The following DCDC1 variants were observed in gnomAD, a reference collection of about 807,000 sequenced individuals.
DCDC1 encodes the protein doublecortin domain-containing protein 1.
In DCDC1, 200 loss-of-function variants were observed where a neutral mutation model predicts 178.3. The observed-to-expected ratio is 1.12, with a 90% CI of 1.00 to 1.26. The LOEUF (loss-of-function observed/expected upper bound fraction) is 1.26. Ranked by LOEUF, DCDC1 falls within the 50% of genes most tolerant of loss-of-function variation. The probability of loss-of-function intolerance (pLI) is 0.00; values close to 1 mark genes in which losing one functional copy is unlikely to be tolerated. For missense variants in DCDC1, 1,983 were observed against 1,749.2 expected, an observed-to-expected ratio of 1.13 and a Z score of -2.38; for synonymous variants, 690 against 604.8, an observed-to-expected ratio of 1.14 and a Z score of -2.07.
At chr11:31,288,085 A>G (rs1027157567) in intron 7 of DCDC1, among the ~76,000 whole-genome samples, 2 of 151,994 alleles carry the variant, frequency 1.3e-5, no homozygotes, top group Non-Finnish European at 2.9e-5. Flanking sequence ...GCTATCTTGA[A>G]TAATAAAATA....
Position 31,307,775 on chromosome 11 carries a change from G to A in DCDC1, c.298C>T (p.His100Tyr), listed in dbSNP as rs962740879. 2.5e-6 allele frequency: 4 copies of A among 1,614,106 alleles called. No homozygotes were observed. Among genetic ancestry groups the A allele is most frequent in the Middle Eastern group, 3.3e-4 (2 of 6,062 alleles). Residue 100 changes from histidine (H) to tyrosine (Y), a missense_variant, in exon 4 of 39, where the codon CAT (histidine) becomes TAT (tyrosine). His to Tyr is a moderately conservative substitution (Grantham distance 83). Transcript: ENST00000684477. Reference protein sequence around the residue: ...EGSGLQDCSTHQTASDHSHDE... With the variant: ...EGSGLQDCSTYQTASDHSHDE... ...TGGCTGTGATCTGATGCTGTTTGATGTGTGGAGCAATCTTGAAGTCCTGAC... is the reference window on the plus strand; with the variant it reads ...TGGCTGTGATCTGATGCTGTTTGATATGTGGAGCAATCTTGAAGTCCTGAC...
Position 30,865,044 on chromosome 11 carries a change from G to A in DCDC1, c.*329C>T, listed in dbSNP as rs1032717467. Reference sequence around the variant, plus strand: ...TCCCACTGTGCAAATGGAGTCACACGCTCACTCAATTCTGAGAGGCCTGGC... The same window carrying A: ...TCCCACTGTGCAAATGGAGTCACACACTCACTCAATTCTGAGAGGCCTGGC... On this transcript the variant is annotated 3_prime_UTR_variant, in exon 39 of 39. Coordinates refer to ENST00000684477, the MANE Select transcript of DCDC1 (RefSeq NM_001387274.1). 1.4e-4 allele frequency: 21 copies of A among 152,026 alleles called. No homozygotes were observed. Among genetic ancestry groups the A allele is most frequent in the African/African-American group, 3.6e-4 (15 of 41,410 alleles). 9.4% of individuals were successfully genotyped at this position (152,026 alleles called of 1,614,324 possible).
At chr11:31,253,239 CTA>C (rs1237282839) in intron 8 of DCDC1, among the ~76,000 whole-genome samples, 11 of 152,036 alleles carry the variant, frequency 7.2e-5, no homozygotes, top group Non-Finnish European at 1.2e-4. Context: ...TCATCTCTCA[CTA>C]TGTTTTAGGC....
chr11:30,903,662 G>A lies in DCDC1; in HGVS notation c.4330C>T (p.Gln1444Ter), dbSNP rs1159494776. The A allele has an allele frequency of 1.2e-6, 2 of 1,605,998 alleles. No individual in the cohort carries two copies. The highest frequency in any genetic ancestry group is 2.3e-5 in the South Asian group (2 of 88,866). ...FPMLLTECTEQLGLARAASKV... is the reference protein window; with the variant it reads ...FPMLLTECTE ...GAGGCTGCTCTGGCAAGCCCAAGTT[G>A]TTCCGTGCATTCTGTAAGAAGCTAG... is the stretch of plus-strand genomic sequence containing the variant. The change falls in exon 32 of 39, where the codon CAA (glutamine) becomes TAA (stop). Residue 1444 changes from glutamine (Q) to a stop codon, truncating the protein, a stop_gained. Coordinates refer to ENST00000684477, the MANE Select transcript of DCDC1 (RefSeq NM_001387274.1). LOFTEE classifies it high-confidence loss of function.
At chr11:31,137,147 A>T (rs1471921611) in intron 10 of DCDC1, among the ~76,000 whole-genome samples, 1 of 152,116 alleles carries the variant, frequency 6.6e-6, no homozygotes, top group Non-Finnish European at 1.5e-5. Context: ...CTTATGAGAA[A>T]ATATTCATGA....
intron 20 of DCDC1, among the ~76,000 whole-genome samples, chr11:31,036,817 T>A (rs1010192012): frequency 6.6e-6 from 1 of 152,222 alleles, no homozygotes; most frequent in African/African-American, 2.4e-5. Flanking sequence ...GGATTTACTT[T>A]TTTTTCTTTT....
intron 1 of DCDC1, among the ~76,000 whole-genome samples, chr11:31,351,473 C>T (rs1354364628): frequency 6.6e-6 from 1 of 152,022 alleles, no homozygotes; most frequent in South Asian, 2.1e-4. Flanking sequence ...TGCTTTAGCT[C>T]CCCTTTTAGC....
intron 20 of DCDC1, among the ~76,000 whole-genome samples, chr11:31,022,640 AGTTTGTGTGT>A (rs1182032207): frequency 1.8e-5 from 1 of 56,372 alleles, no homozygotes; most frequent in African/African-American, 7.5e-5. Flanking sequence ...AGTGTCTTTT[AGTTTGTGTGT>A]GTGTGTGTGT....
At chr11:31,256,669 T>C (rs1268030963) in intron 8 of DCDC1, among the ~76,000 whole-genome samples, 2 of 152,132 alleles carry the variant, frequency 1.3e-5, no homozygotes, top group East Asian at 3.9e-4. Flanking sequence ...CTATATTGGG[T>C]CATGTAGTTG....
intron 20 of DCDC1, among the ~76,000 whole-genome samples, chr11:31,017,435 T>C (rs1952553673): frequency 6.6e-6 from 1 of 152,148 alleles, no homozygotes; most frequent in African/African-American, 2.4e-5. Flanking sequence ...TGTAAGAATA[T>C]AATATTTAAT....
intron 9 of DCDC1, among the ~76,000 whole-genome samples, chr11:31,209,664 T>G (rs11031312): frequency 0.24 from 37,250 of 152,120 alleles, 4,638 homozygotes; most frequent in East Asian, 0.3. Flanking sequence ...CAGAGTCTGA[T>G]TGAGGCAAAA....
intron 17 of DCDC1, 40 bp from the exon 18 acceptor site, chr11:31,077,965 C>A (rs11031282): frequency 0.026 from 19,687 of 762,814 alleles, 352 homozygotes; most frequent in Non-Finnish European, 0.035. Flanking sequence ...CATCTTCTCT[C>A]CACAGAAACA....
chr11:30,894,846 AT>A (rs202010886), intron 34 of DCDC1, among the ~76,000 whole-genome samples: 7 of 151,756 alleles, frequency 4.6e-5, no homozygotes, highest in East Asian at 1.9e-4. Flanking sequence ...AGAGACAGGA[AT>A]TTTTTTTTCT....
At chr11:30,874,160 CTGA>C (rs1226990238) in intron 38 of DCDC1, among the ~76,000 whole-genome samples, 1 of 152,194 alleles carries the variant, frequency 6.6e-6, no homozygotes, top group East Asian at 1.9e-4. Context: ...CCATGCCCTG[CTGA>C]TAATAAACAG....
At chr11:30,869,395 A>G (rs1420329317) in intron 38 of DCDC1, among the ~76,000 whole-genome samples, 1 of 152,238 alleles carries the variant, frequency 6.6e-6, no homozygotes, top group Admixed American at 6.5e-5. Flanking sequence ...TGCATGGCTA[A>G]AAAGGAACAA....
intron 10 of DCDC1, among the ~76,000 whole-genome samples, chr11:31,135,636 A>G (rs1963036162): frequency 6.6e-6 from 1 of 152,200 alleles, no homozygotes; most frequent in Non-Finnish European, 1.5e-5. Context: ...GTACACACAC[A>G]TATGAACATA....
At chr11:30,873,510 T>G (rs193103053) in intron 38 of DCDC1, among the ~76,000 whole-genome samples, 2 of 152,182 alleles carry the variant, frequency 1.3e-5, no homozygotes, top group Non-Finnish European at 2.9e-5. Context: ...ATGGATTTCA[T>G]TGGTCTGGCA....
chr11:31,091,437 A>C lies in DCDC1; in HGVS notation c.2193T>G (p.Ala731=). ...TATATCCTTCTAGTGATGTTCCCTC[A>C]GCAGCCTTGACTCTGATAGGATGAC... The part of the protein sequence containing the change: ...AIGHPIRVKA[A]EGTSLEGYKL... Residue 731 remains alanine, a synonymous_variant, in exon 17 of 39, where the codon GCT becomes GCG. Coordinates refer to ENST00000684477, the MANE Select transcript of DCDC1 (RefSeq NM_001387274.1). 1.3e-6 allele frequency: 1 copy of C among 761,650 alleles called. No individual in the cohort carries two copies. The highest frequency in any genetic ancestry group is 2.4e-6 in the Non-Finnish European group (1 of 415,624). The allele number at this position is 761,650 out of a possible 1,614,324, so 47.2% of individuals were successfully genotyped here. A position where few individuals can be genotyped will look rare whatever the true frequency, so the allele number is the denominator to read the frequency against.
At chr11:31,083,689 TTCC>T (rs1957318212) in intron 17 of DCDC1, among the ~76,000 whole-genome samples, 1 of 152,242 alleles carries the variant, frequency 6.6e-6, no homozygotes, top group Non-Finnish European at 1.5e-5. Context: ...GTGTGAAATC[TTCC>T]TATTTCTATA....
Sources: allele counts gnomAD v4.1 joint callset (sites outside exome capture counted in the v4.1 genomes callset), GRCh38; gene constraint gnomAD v4.1.1; transcripts MANE v1.5; gene names NCBI Gene and HGNC (gene_info 2026-07-23, HGNC 2026-07-21).